The following CACNA1E variants were observed in gnomAD, a reference collection of about 807,000 sequenced individuals.
CACNA1E encodes the protein voltage-dependent R-type calcium channel subunit alpha-1E.
In CACNA1E, 40 loss-of-function variants were observed where a neutral mutation model predicts 259.2. The observed-to-expected ratio is 0.15, with a 90% CI of 0.12 to 0.20. The LOEUF is 0.20. Ranked by LOEUF, CACNA1E falls within the 10% of genes least tolerant of loss-of-function variation. CACNA1E has a pLI of 1.00. For synonymous variants in CACNA1E, 1,104 were observed against 1,138.5 expected, an observed-to-expected ratio of 0.97 and a Z score of 0.61; for missense variants, 1,874 against 3,040.1, an observed-to-expected ratio of 0.62 and a Z score of 9.02.
chr1:181,663,995 G>T (rs1057004621), intron 7 of CACNA1E, among the ~76,000 whole-genome samples: 3 of 152,178 alleles, frequency 2.0e-5, no homozygotes, highest in African/African-American at 7.2e-5. Context: ...GGCAAATAAG[G>T]CTGTTGGAAG....
upstream of CACNA1E, among the ~76,000 whole-genome samples, chr1:181,482,929 G>A (rs953326770): frequency 6.6e-6 from 1 of 152,286 alleles, no homozygotes; most frequent in Non-Finnish European, 1.5e-5. Context: ...TGGCACTCAG[G>A]CTTCGCTGCT....
At position 181,715,381 on chromosome 1, in the gene CACNA1E, C is replaced by T. The variant is rs35265801; in HGVS notation, c.1215C>T (p.Ser405=). 9.0e-5 allele frequency: 143 copies of T among 1,592,128 alleles called. No homozygotes were observed. The highest frequency in any genetic ancestry group is 1.1e-4 in the Non-Finnish European group (129 of 1,163,230). The change falls in exon 9 of 48, where the codon TCC becomes TCT. Residue 405 remains serine, a synonymous_variant. Coordinates refer to ENST00000367573, the MANE Select transcript of CACNA1E (RefSeq NM_001205293.3). ...LAEENKNAGT[S]ALEVLRRATI... ...AAGAAAATAAAAATGCTGGAACATC[C>T]GCCTTAGAAGGTAAGGAAATGTTCT...
intron 2 of CACNA1E, among the ~76,000 whole-genome samples, chr1:181,417,634 C>T (rs1045012728): frequency 6.6e-6 from 1 of 152,128 alleles, no homozygotes; most frequent in African/African-American, 2.4e-5. Context: ...TTAGTCCTGC[C>T]CAGAAATCTT....
At chr1:181,757,216 T>C (rs1658161985) in intron 30 of CACNA1E, 90 bp downstream of exon 30, 2 of 822,782 alleles carry the variant, frequency 2.4e-6, no homozygotes, top group East Asian at 5.1e-5. Flanking sequence ...CTGCATTTTC[T>C]TAACTTGATT....
Position 181,798,453 on chromosome 1 carries a change from T to C in CACNA1E, c.6561T>C (p.Asp2187=), listed in dbSNP as rs763665611. ...RHAGSISPPA[D]GSEEGSPLTS... Reference sequence around the variant, plus strand: ...CGGGCAGCATCTCTCCACCTGCTGATGGAAGCGAGGAGGGCTCCCCGCTGA... The same window carrying C: ...CGGGCAGCATCTCTCCACCTGCTGACGGAAGCGAGGAGGGCTCCCCGCTGA... The change falls in exon 48 of 48, where the codon GAT becomes GAC. Residue 2187 remains aspartate, a synonymous_variant. Coordinates refer to ENST00000367573, the MANE Select transcript of CACNA1E (RefSeq NM_001205293.3). The surrounding 1 kb of genome is among the most constrained non-coding windows in gnomAD (Gnocchi z 4.2). 1 of 1,613,880 alleles carries C rather than the reference T, an allele frequency of 6.2e-7. No individual in the cohort carries two copies. Among genetic ancestry groups the C allele is most frequent in the Non-Finnish European group, 8.5e-7 (1 of 1,179,888 alleles).
At chr1:181,783,633 A>ATTT (rs112594566) in intron 39 of CACNA1E, 46 bp from the exon 40 acceptor site, 382 of 871,814 alleles carry the variant, frequency 4.4e-4, no homozygotes, top group South Asian at 6.1e-4. Flanking sequence ...ATGTCTTTCA[A>ATTT]TTTTTTTTTT....
At chr1:181,377,451 A>G (rs1188502959) in intron 1 of CACNA1E, among the ~76,000 whole-genome samples, 1 of 152,190 alleles carries the variant, frequency 6.6e-6, no homozygotes, top group African/African-American at 2.4e-5. Context: ...GTGTTTAGAG[A>G]TGAATGCTGG....
Position 181,559,474 on chromosome 1 carries a change from G to A in CACNA1E, c.513-18292G>A, listed in dbSNP as rs564295521. Among the ~76,000 whole-genome samples the A allele has an allele frequency of 1.4e-4, 21 of 152,210 alleles. 1 individual carries two copies. The highest frequency in any genetic ancestry group is 2.4e-4 in the Non-Finnish European group (16 of 68,020). ...TGGATTGAAAATAAAAGTGGGGAAA[G>A]GCAAGTATGAAACTTTAGGAAATGT... On this transcript the variant is annotated intron_variant, in intron 3 of 47. Coordinates refer to ENST00000367573, the MANE Select transcript of CACNA1E (RefSeq NM_001205293.3).
At chr1:181,517,054 TG>T (rs1666641127) in intron 3 of CACNA1E, among the ~76,000 whole-genome samples, 1 of 152,036 alleles carries the variant, frequency 6.6e-6, no homozygotes, top group Non-Finnish European at 1.5e-5. Flanking sequence ...TTGGTGTGGG[TG>T]GAATGGGGCC....
chr1:181,759,004 G>A (rs564637412), intron 32 of CACNA1E, 136 bp downstream of exon 32: 37 of 601,628 alleles, frequency 6.1e-5, no homozygotes, highest in Non-Finnish European at 9.8e-5. Context: ...TGACTGCTCA[G>A]TAAACTGCCG....
intron 1 of CACNA1E, among the ~76,000 whole-genome samples, chr1:181,349,078 G>A (rs1482776734): frequency 6.7e-6 from 1 of 148,608 alleles, no homozygotes; most frequent in Non-Finnish European, 1.5e-5. Flanking sequence ...CATCCTTGGG[G>A]AGCTCTTGGG....
intron 6 of CACNA1E, among the ~76,000 whole-genome samples, chr1:181,597,469 A>G (rs1432056483): frequency 6.6e-6 from 1 of 152,188 alleles, no homozygotes; most frequent in African/African-American, 2.4e-5. Flanking sequence ...ATCTCTTTGA[A>G]TGTTAAATAA....
chr1:181,410,837 C>G (rs1402657058), intron 1 of CACNA1E, among the ~76,000 whole-genome samples: 2 of 152,192 alleles, frequency 1.3e-5, no homozygotes, highest in Non-Finnish European at 2.9e-5. Context: ...AATTCCTAAC[C>G]ATTGAAATAG....
At position 181,483,725 on chromosome 1, in the gene CACNA1E, C is replaced by G; in HGVS notation, c.-20C>G. 1 of 1,580,314 alleles carries G rather than the reference C, an allele frequency of 6.3e-7. No homozygotes were observed. The highest frequency in any genetic ancestry group is 1.1e-5 in the South Asian group (1 of 88,534). On this transcript the variant is annotated 5_prime_UTR_variant, in exon 1 of 48. Coordinates refer to ENST00000367573, the MANE Select transcript of CACNA1E (RefSeq NM_001205293.3). The stretch of plus-strand genomic sequence containing the variant: ...GGCCGCGATCACCTTTGTGTGTCTT[C>G]TGTCTGTTTAAACCTCAGGATGGCT...
intron 3 of CACNA1E, among the ~76,000 whole-genome samples, chr1:181,531,914 G>T (rs1026263346): frequency 1.3e-5 from 2 of 152,166 alleles, no homozygotes; most frequent in East Asian, 3.9e-4. Flanking sequence ...AAATTACCCC[G>T]GTGTGATGGC....
chr1:181,484,792 A>G lies in CACNA1E; in HGVS notation c.266+782A>G, dbSNP rs191435207. ...ATTGCTCTCCCAGTATCCAGGATCC[A>G]GGTGGATCGGCTGGGCCTGAATTCA... On this transcript the variant is annotated intron_variant, in intron 1 of 47. Transcript: ENST00000367573. 4.4e-3 allele frequency among the ~76,000 whole-genome samples: 665 copies of G among 152,306 alleles called. 2 individuals carry two copies. Among genetic ancestry groups the G allele is most frequent in the Non-Finnish European group, 8.1e-3 (548 of 68,026 alleles).
intron 2 of CACNA1E, among the ~76,000 whole-genome samples, chr1:181,417,766 C>T (rs993741630): frequency 6.6e-6 from 1 of 152,184 alleles, no homozygotes; most frequent in East Asian, 1.9e-4. Context: ...ACTACAATTG[C>T]CTTCCTACTT....
At chr1:181,791,592 A>T (rs941628373) in intron 44 of CACNA1E, among the ~76,000 whole-genome samples, 1 of 152,230 alleles carries the variant, frequency 6.6e-6, no homozygotes, top group Non-Finnish European at 1.5e-5. Context: ...GTTCCTAAAC[A>T]TCATTGACTT....
chr1:181,366,089 A>T (rs1260908423), intron 1 of CACNA1E, among the ~76,000 whole-genome samples: 3 of 151,918 alleles, frequency 2.0e-5, no homozygotes, highest in Non-Finnish European at 2.9e-5. Context: ...GATGAATGGA[A>T]CCTGGGCCTG....
Sources: gnomAD v4.1 joint callset for allele counts (sites outside exome capture counted in the v4.1 genomes callset) on GRCh38, gnomAD v4.1.1 for gene constraint, Gnocchi (gnomAD v3.1) non-coding constraint, MANE v1.5 for transcripts, NCBI Gene and HGNC (gene_info 2026-07-23, HGNC 2026-07-21) for gene names.